The following TRMT9B variants were observed in gnomAD, a reference collection of about 807,000 sequenced individuals.
TRMT9B encodes the protein probable tRNA methyltransferase 9B.
A neutral mutation model predicts 11.5 loss-of-function variants in TRMT9B; 16 were observed. The ratio of observed to expected loss-of-function variants is 1.39; its 90% CI spans 0.94 to 2.11. TRMT9B has a LOEUF of 2.11. Among genes scored for constraint, TRMT9B ranks in the 30% most tolerant of loss-of-function variants. TRMT9B has a pLI of 0.00. For synonymous variants in TRMT9B, 274 were observed against 192.4 expected (o/e 1.42, Z -3.51); for missense variants, 941 against 553.8 (o/e 1.70, Z -7.02).
At position 13,024,290 on chromosome 8, in the gene TRMT9B, G is replaced by A. The variant is rs564659829; in HGVS notation, c.*2246G>A. ...GATCTCCTGACGTCGTGATCCACCCGCCTCGGCCCCCCACAGTGCTGGGAT... is the reference window on the plus strand; with the variant it reads ...GATCTCCTGACGTCGTGATCCACCCACCTCGGCCCCCCACAGTGCTGGGAT... On this transcript the variant is annotated 3_prime_UTR_variant, in exon 5 of 5. Coordinates refer to ENST00000524591, the MANE Select transcript of TRMT9B (RefSeq NM_020844.3). 9.3e-4 allele frequency: 152 copies of A among 162,906 alleles called. No homozygotes were observed. The highest frequency in any genetic ancestry group is 1.6e-3 in the Non-Finnish European group (111 of 68,288). 10.1% of individuals were successfully genotyped at this position (162,906 alleles called of 1,614,324 possible).
At chr8:12,952,522 G>T (rs1800764980) in intron 1 of TRMT9B, 1 of 165,320 alleles carries the variant, frequency 6.0e-6, no homozygotes, top group African/African-American at 2.4e-5. Context: ...AGAGATAAAG[G>T]ACATGTCTAG....
chr8:12,987,818 G>A (rs1806595173), intron 1 of TRMT9B, among the ~76,000 whole-genome samples: 1 of 152,096 alleles, frequency 6.6e-6, no homozygotes, highest in Non-Finnish European at 1.5e-5. Context: ...TGGCAAAAAG[G>A]AACACTGTCA....
rs2128905561 is a variant in TRMT9B at position 13,024,847 on chromosome 8, A to G, written c.*2803A>G. The G allele has an allele frequency of 6.0e-6, 1 of 167,106 alleles. No homozygotes were observed. The highest frequency in any genetic ancestry group is 2.4e-5 in the African/African-American group (1 of 41,566). The allele number at this position is 167,106 out of a possible 1,614,324, so 10.4% of individuals were successfully genotyped here. The stretch of plus-strand genomic sequence containing the variant: ...CAAATATTTAATTTGGTGATTGATA[A>G]TCTCTCTTTGGGGTAGTCACATGGA... On this transcript the variant is annotated 3_prime_UTR_variant, in exon 5 of 5. Transcript: ENST00000524591.
At chr8:12,982,926 G>A (rs934721708) in intron 1 of TRMT9B, among the ~76,000 whole-genome samples, 2 of 152,210 alleles carry the variant, frequency 1.3e-5, no homozygotes, top group African/African-American at 2.4e-5. Context: ...TGTTTTCCTC[G>A]CATGCCCAGA....
At chr8:13,020,973 G>A in intron 4 of TRMT9B, 35 bp from the exon 5 acceptor site, 1 of 1,387,020 alleles carries the variant, frequency 7.2e-7, no homozygotes, top group Non-Finnish European at 9.8e-7. Flanking sequence ...TTATGTGTGT[G>A]CATACACACT....
intron 2 of TRMT9B, 36 bp downstream of exon 2, chr8:12,991,067 C>T (rs1807250003): frequency 9.2e-7 from 1 of 1,087,584 alleles, no homozygotes; most frequent in Admixed American, 3.6e-5. Context: ...ACTCACATAC[C>T]ATGAGGTGTT....
At chr8:12,993,889 C>T (rs78906388) in intron 2 of TRMT9B, among the ~76,000 whole-genome samples, 1,925 of 152,284 alleles carry the variant, frequency 0.013, 35 homozygotes, top group African/African-American at 0.042. Flanking sequence ...GTTGGGAGTG[C>T]CTAAGTAGCT....
At position 13,029,563 on chromosome 8, in the gene TRMT9B, T is replaced by C. The variant is rs768152630; in HGVS notation, c.*7519T>C. Reference sequence around the variant, plus strand: ...AACAAAAGTTTGCTTTTCTTCACCATTCTGTACAGGACAAGCATTATTCAG... The same window carrying C: ...AACAAAAGTTTGCTTTTCTTCACCACTCTGTACAGGACAAGCATTATTCAG... On this transcript the variant is annotated 3_prime_UTR_variant, in exon 5 of 5. Transcript: ENST00000524591. 2.4e-5 allele frequency: 4 copies of C among 166,550 alleles called. No individual in the cohort carries two copies. The highest frequency in any genetic ancestry group is 4.4e-5 in the Non-Finnish European group (3 of 68,128). 10.3% of individuals were successfully genotyped at this position (166,550 alleles called of 1,614,324 possible).
rs370899642 is a variant in TRMT9B at position 12,955,054 on chromosome 8, G to T, written c.-200+9088G>T. ...TTATAATAAGAAGTAGGAGTGTGTT[G>T]ACTAAATATCATCTCCTGGAGGCTG... On this transcript the variant is annotated intron_variant, in intron 1 of 4. Coordinates refer to ENST00000524591, the MANE Select transcript of TRMT9B (RefSeq NM_020844.3). 5.3e-5 allele frequency among the ~76,000 whole-genome samples: 8 copies of T among 152,326 alleles called. No homozygotes were observed. In the East Asian group the frequency reaches 1.2e-3, roughly 22 times the overall value.
At chr8:12,947,157 T>C (rs1196026033) in intron 1 of TRMT9B, among the ~76,000 whole-genome samples, 1 of 152,194 alleles carries the variant, frequency 6.6e-6, no homozygotes, top group African/African-American at 2.4e-5. Context: ...GGGAATCCTT[T>C]AAAACCAATG....
Position 12,991,000 on chromosome 8 carries a change from G to A in TRMT9B, c.-33G>A. On this transcript the variant is annotated 5_prime_UTR_variant, in exon 2 of 5. Transcript: ENST00000524591. Reference sequence around the variant, plus strand: ...ACTGCCGTGATTCACAAAGACAAGAGGTAATTTTCCTGTAATCACAGGATG... The same window carrying A: ...ACTGCCGTGATTCACAAAGACAAGAAGTAATTTTCCTGTAATCACAGGATG... The A allele has an allele frequency of 1.6e-6, 2 of 1,277,346 alleles. No homozygotes were observed. Among genetic ancestry groups the A allele is most frequent in the South Asian group, 1.3e-5 (1 of 78,808 alleles). 79.1% of individuals were successfully genotyped at this position (1,277,346 alleles called of 1,614,324 possible).
chr8:12,959,814 C>G (rs1033572359), intron 1 of TRMT9B: 1 of 152,184 alleles, frequency 6.6e-6, no homozygotes, highest in African/African-American at 2.4e-5. Flanking sequence ...CAAACGTGAG[C>G]CACCATGCCT....
chr8:13,019,972 C>G (rs566551256), intron 4 of TRMT9B, among the ~76,000 whole-genome samples: 1 of 152,124 alleles, frequency 6.6e-6, no homozygotes, highest in African/African-American at 2.4e-5. Context: ...TGATTGCTAA[C>G]GATACAAAAT....
intron 2 of TRMT9B, among the ~76,000 whole-genome samples, chr8:13,002,250 T>A (rs1809578163): frequency 6.6e-6 from 1 of 152,206 alleles, no homozygotes; most frequent in Non-Finnish European, 1.5e-5. Flanking sequence ...GGAACCCAGT[T>A]TATGTCGGTT....
Position 12,950,931 on chromosome 8 carries a change from G to A in TRMT9B, c.-200+4965G>A, listed in dbSNP as rs183833777. On this transcript the variant is annotated intron_variant, in intron 1 of 4. Transcript: ENST00000524591. ...AGCACGAACCTCTATACAAAGGGCG[G>A]CAGAGCGGTTACTAAATGTGCTCAT... 1.9e-3 allele frequency among the ~76,000 whole-genome samples: 293 copies of A among 152,280 alleles called. 1 individual carries two copies. Among genetic ancestry groups the A allele is most frequent in the African/African-American group, 6.9e-3 (285 of 41,552 alleles).
chr8:12,952,916 T>A (rs1800814237), intron 1 of TRMT9B, among the ~76,000 whole-genome samples: 1 of 152,176 alleles, frequency 6.6e-6, no homozygotes, highest in African/African-American at 2.4e-5. Context: ...ATTTTTGTAT[T>A]TTTACTAGAG....
rs1345138840 is a variant in TRMT9B at position 13,029,318 on chromosome 8, CT to C, written c.*7278del. On this transcript the variant is annotated 3_prime_UTR_variant, in exon 5 of 5. Transcript: ENST00000524591. Reference sequence around the variant, plus strand: ...TTTCTACAATGTACAGTTATTTTGACTTTTCCCAGGGGAAGCTAGCAATAGT... The same window carrying C: ...TTTCTACAATGTACAGTTATTTTGACTTTCCCAGGGGAAGCTAGCAATAGT... The C allele has an allele frequency of 3.0e-5, 5 of 167,014 alleles. No homozygotes were observed. The highest frequency in any genetic ancestry group is 5.9e-5 in the Non-Finnish European group (4 of 68,104). 10.3% of individuals were successfully genotyped at this position (167,014 alleles called of 1,614,324 possible). A position where few individuals can be genotyped will look rare whatever the true frequency, so the allele number is the denominator to read the frequency against.
At position 13,027,503 on chromosome 8, in the gene TRMT9B, G is replaced by T. The variant is rs1032581474; in HGVS notation, c.*5459G>T. On this transcript the variant is annotated 3_prime_UTR_variant, in exon 5 of 5. Coordinates refer to ENST00000524591, the MANE Select transcript of TRMT9B (RefSeq NM_020844.3). ...TTACAGAATAAATGCAGACTCCTTT[G>T]GATGGCATTCAGGCCCTTCATAAAG... 1 of 166,978 alleles carries T rather than the reference G, an allele frequency of 6.0e-6. No homozygotes were observed. The highest frequency in any genetic ancestry group is 1.5e-5 in the Non-Finnish European group (1 of 68,104). The allele number at this position is 166,978 out of a possible 1,614,324, so 10.3% of individuals were successfully genotyped here. A position where few individuals can be genotyped will look rare whatever the true frequency, so the allele number is the denominator to read the frequency against.
intron 2 of TRMT9B, among the ~76,000 whole-genome samples, 151 bp downstream of exon 2, chr8:12,991,182 G>A (rs2460340): frequency 1.8e-4 from 27 of 152,128 alleles, no homozygotes; most frequent in Admixed American, 1.2e-3. Flanking sequence ...TTTGCATGAG[G>A]TGGAAAACAG....
Sources: gnomAD v4.1 joint callset for allele counts (sites outside exome capture counted in the v4.1 genomes callset) on GRCh38, gnomAD v4.1.1 for gene constraint, MANE v1.5 for transcripts, NCBI Gene and HGNC (gene_info 2026-07-23, HGNC 2026-07-21) for gene names.